SP110: variants seen among roughly 807,000 people sequenced by gnomAD.
The protein encoded by SP110 is SP110 nuclear body protein, also known as interferon-induced protein 41, 30kD.
A neutral mutation model predicts 92.7 loss-of-function variants in SP110; 62 were observed. The observed-to-expected ratio is 0.67, with a 90% CI of 0.55 to 0.83. The LOEUF (loss-of-function observed/expected upper bound fraction) is 0.83. Ranked by LOEUF, SP110 falls within the 40% of genes least tolerant of loss-of-function variation. The pLI is 0.00. For missense variants in SP110, 793 were observed against 863.9 expected, an observed-to-expected ratio of 0.92 and a Z score of 1.03; for synonymous variants, 273 against 305.3, an observed-to-expected ratio of 0.89 and a Z score of 1.10.
At chr2:230,170,047 C>T (rs2078393024) in intron 18 of SP110, among the ~76,000 whole-genome samples, 2 of 152,156 alleles carry the variant, frequency 1.3e-5, no homozygotes, top group Admixed American at 1.3e-4. Context: ...AATATCTGTA[C>T]AAGTGAGGAT....
chr2:230,217,590 C>G (rs1286812320), intron 1 of SP110, among the ~76,000 whole-genome samples: 1 of 152,194 alleles, frequency 6.6e-6, no homozygotes, highest in Non-Finnish European at 1.5e-5. Flanking sequence ...TTTCATAAAA[C>G]CCTTGCGAGG....
intron 17 of SP110, among the ~76,000 whole-genome samples, chr2:230,171,101 T>C (rs2078427801): frequency 2.0e-5 from 3 of 152,192 alleles, no homozygotes; most frequent in South Asian, 4.1e-4. Context: ...ATGACTCTTT[T>C]TTTTCTTTTG....
chr2:230,171,675 G>A, intron 17 of SP110, 21 bp downstream of exon 17: 1 of 1,590,390 alleles, frequency 6.3e-7, no homozygotes, highest in Non-Finnish European at 8.6e-7. Context: ...TTATGCAAGA[G>A]AACCGTAAAA....
intron 10 of SP110, among the ~76,000 whole-genome samples, chr2:230,190,262 G>A (rs1365102030): frequency 6.6e-6 from 1 of 152,098 alleles, no homozygotes; most frequent in Non-Finnish European, 1.5e-5. Flanking sequence ...GGCATGAGAT[G>A]GTCTCTCATT....
chr2:230,186,144 C>G lies in SP110; in HGVS notation c.1130-1G>C, dbSNP rs764597996. ...ATGCCATGCCCAGGTGAGGCTGCCC[C>G]TGGACCAAATAGACTTGTGAATAGT... is the stretch of plus-strand genomic sequence containing the variant. On this transcript the variant is annotated splice_acceptor_variant, in intron 10 of 18. Coordinates refer to ENST00000258381, the MANE Select transcript of SP110 (RefSeq NM_080424.4). LOFTEE classifies it high-confidence loss of function. 1.9e-6 allele frequency: 3 copies of G among 1,614,010 alleles called. No homozygotes were observed. The Admixed American group carries it at 5.0e-5, about 27-fold the overall frequency.
intron 18 of SP110, 128 bp from the exon 19 acceptor site, chr2:230,169,365 G>C (rs1365352532): frequency 1.0e-5 from 7 of 701,238 alleles, no homozygotes; most frequent in Non-Finnish European, 1.8e-5. Flanking sequence ...CTGTGGTGCA[G>C]TGGCACCGTC....
chr2:230,222,097 G>T (rs1345627812), upstream of SP110, among the ~76,000 whole-genome samples: 2 of 152,142 alleles, frequency 1.3e-5, no homozygotes, highest in Non-Finnish European at 2.9e-5. Context: ...GGGCGTGGTG[G>T]CACATGCCTG....
chr2:230,178,530 T>G (rs146765122), intron 12 of SP110, among the ~76,000 whole-genome samples: 14 of 152,272 alleles, frequency 9.2e-5, no homozygotes, highest in African/African-American at 3.1e-4. Flanking sequence ...TGCAAGTGAA[T>G]TGGCTGTCAC....
chr2:230,177,804 G>A (rs1410345463), intron 13 of SP110, 124 bp from the exon 14 acceptor site: 1 of 1,101,710 alleles, frequency 9.1e-7, no homozygotes, highest in Non-Finnish European at 1.4e-6. Context: ...TGAGGTGGAA[G>A]GAGTAGCAGG....
rs1245290762 is a variant in SP110 at position 230,172,858 on chromosome 2, AG to A, written c.1691del (p.Pro564LeufsTer16). 6.2e-7 allele frequency: 1 copy of A among 1,612,918 alleles called. No homozygotes were observed. Among genetic ancestry groups the A allele is most frequent in the Non-Finnish European group, 8.5e-7 (1 of 1,178,922 alleles). The stretch of plus-strand genomic sequence containing the variant: ...ATCCCACTCACCTCTTGGCTTCCAC[AG>A]GGGGGATGTGACAGTCCTCATGGAA... ...RVFHEDCHIP[P>X]VEAKRMLWSC... On this transcript the variant is annotated frameshift_variant, in exon 15 of 19. Transcript: ENST00000258381. LOFTEE classifies it high-confidence loss of function.
chr2:230,222,545 C>T (rs542643677), upstream of SP110, among the ~76,000 whole-genome samples: 2 of 152,118 alleles, frequency 1.3e-5, no homozygotes, highest in African/African-American at 4.8e-5. Flanking sequence ...AGAGCAAGAC[C>T]TCGTCTCTAC....
chr2:230,189,357 T>C (rs1414101713), intron 10 of SP110, among the ~76,000 whole-genome samples: 2 of 152,198 alleles, frequency 1.3e-5, no homozygotes, highest in Non-Finnish European at 2.9e-5. Context: ...TTTTGCTGTA[T>C]CCTAGAAGTT....
intron 10 of SP110, among the ~76,000 whole-genome samples, chr2:230,190,778 TA>T (rs1193893618): frequency 6.6e-6 from 1 of 152,254 alleles, no homozygotes; most frequent in African/African-American, 2.4e-5. Context: ...TGCATATGGA[TA>T]GCCAGTTTTC....
rs756439485 is a variant in SP110 at position 230,172,948 on chromosome 2, C to A, written c.1602G>T (p.Ser534=). The A allele has an allele frequency of 1.2e-6, 2 of 1,613,250 alleles. No individual in the cohort carries two copies. Among genetic ancestry groups the A allele is most frequent in the Non-Finnish European group, 1.7e-6 (2 of 1,179,224 alleles). ...TLGELLKRKN[S]DECEVCCQGG... ...CTTGACAGCACACCTCGCATTCATC[C>A]GAGTTTTTCCGCTGCAAGGGCAGAT... Residue 534 remains serine (S), a synonymous_variant, in exon 15 of 19, where the codon TCG becomes TCT. Transcript: ENST00000258381.
At chr2:230,170,038 A>G (rs928374155) in intron 18 of SP110, among the ~76,000 whole-genome samples, 1 of 152,282 alleles carries the variant, frequency 6.6e-6, no homozygotes, top group South Asian at 2.1e-4. Flanking sequence ...CTCCCAAGAA[A>G]TATCTGTACA....
At chr2:230,221,856 A>G, upstream of SP110, 1 of 881,884 alleles carries the variant, frequency 1.1e-6, no homozygotes, top group Non-Finnish European at 1.8e-6. Flanking sequence ...AAATAAAGTC[A>G]ATGTCAAATC....
At chr2:230,191,582 G>C (rs546482387) in intron 10 of SP110, among the ~76,000 whole-genome samples, 34 of 152,196 alleles carry the variant, frequency 2.2e-4, no homozygotes, top group Non-Finnish European at 3.2e-4. Flanking sequence ...GACTAAACCA[G>C]GAAGAAGTTG....
chr2:230,223,233 C>T (rs930775270), upstream of SP110, among the ~76,000 whole-genome samples: 1 of 152,078 alleles, frequency 6.6e-6, no homozygotes, highest in Non-Finnish European at 1.5e-5. Flanking sequence ...GATGGGGTTT[C>T]ACCATGTTGG....
At chr2:230,209,325 G>A (rs2044214543) in intron 7 of SP110, among the ~76,000 whole-genome samples, 1 of 152,130 alleles carries the variant, frequency 6.6e-6, no homozygotes, top group African/African-American at 2.4e-5. Context: ...TAACAGAGTT[G>A]TCTGTTATCC....
Sources: allele counts gnomAD v4.1 joint callset (sites outside exome capture counted in the v4.1 genomes callset), GRCh38; gene constraint gnomAD v4.1.1; transcripts MANE v1.5; gene names NCBI Gene and HGNC (gene_info 2026-07-23, HGNC 2026-07-21).